The following PHTF1 variants were observed in gnomAD, a reference collection of about 807,000 sequenced individuals.
PHTF1 encodes the protein protein PHTF1.
A neutral mutation model predicts 102.4 loss-of-function variants in PHTF1; 88 were observed. The observed-to-expected ratio is 0.86, with a 90% CI of 0.72 to 1.03. The LOEUF (loss-of-function observed/expected upper bound fraction) is 1.03. PHTF1 is among the 50% of genes least tolerant of loss of function. The pLI is 0.00. For synonymous variants in PHTF1, 289 were observed against 305.2 expected, an observed-to-expected ratio of 0.95 and a Z score of 0.55; for missense variants, 814 against 909.5, an observed-to-expected ratio of 0.89 and a Z score of 1.35.
chr1:113,751,925 T>C (rs1461079730), intron 3 of PHTF1, among the ~76,000 whole-genome samples: 2 of 152,246 alleles, frequency 1.3e-5, no homozygotes, highest in Non-Finnish European at 2.9e-5. Context: ...ACAGATGTAT[T>C]ATAAATGTAG....
At chr1:113,736,228 G>T (rs1412135883) in intron 5 of PHTF1, among the ~76,000 whole-genome samples, 1 of 151,336 alleles carries the variant, frequency 6.6e-6, no homozygotes, top group African/African-American at 2.4e-5. Flanking sequence ...TGTAGTCCCA[G>T]CTACTCGGGA....
intron 7 of PHTF1, among the ~76,000 whole-genome samples, chr1:113,721,699 C>A (rs1557931997): frequency 1.3e-5 from 2 of 151,878 alleles, no homozygotes; most frequent in African/African-American, 4.8e-5. Context: ...AATAGCATTT[C>A]TTTTTTTTGA....
At chr1:113,720,661 G>A (rs1652780062) in intron 7 of PHTF1, among the ~76,000 whole-genome samples, 1 of 152,272 alleles carries the variant, frequency 6.6e-6, no homozygotes, top group Non-Finnish European at 1.5e-5. Context: ...GGCTTTTCCA[G>A]GTGCACAATG....
At chr1:113,746,321 C>T (rs1335866045) in intron 3 of PHTF1, among the ~76,000 whole-genome samples, 3 of 152,130 alleles carry the variant, frequency 2.0e-5, no homozygotes, top group African/African-American at 7.2e-5. Context: ...TAGCAATTCA[C>T]TGAATAGGAA....
Position 113,704,828 on chromosome 1 carries a change from A to AATGT in PHTF1, c.1672-35_1672-32dup, listed in dbSNP as rs753794102. 3.4e-6 allele frequency: 5 copies of AATGT among 1,461,030 alleles called. No homozygotes were observed. In the Admixed American group the frequency reaches 9.2e-5, roughly 27 times the overall value. 90.5% of individuals were successfully genotyped at this position (1,461,030 alleles called of 1,614,324 possible). On this transcript the variant is annotated intron_variant, in intron 13 of 18. Coordinates refer to ENST00000369604, the MANE Select transcript of PHTF1 (RefSeq NM_001323043.2). ...AGAGATTTAAAAAAAATCACAGTGA[A>AATGT]ATGTATGTATGTGTCTGTGTATTCA...
At chr1:113,729,271 G>A (rs1306549597) in intron 5 of PHTF1, among the ~76,000 whole-genome samples, 1 of 152,188 alleles carries the variant, frequency 6.6e-6, no homozygotes, top group African/African-American at 2.4e-5. Context: ...GGCTGAGAAG[G>A]GTAGTGGGGG....
At chr1:113,748,619 C>T (rs989925554) in intron 3 of PHTF1, among the ~76,000 whole-genome samples, 2 of 152,152 alleles carry the variant, frequency 1.3e-5, no homozygotes, top group African/African-American at 2.4e-5. Context: ...ACTGCAGCTT[C>T]GACTTCCCAG....
chr1:113,738,627 A>G (rs902413144), intron 4 of PHTF1, 103 bp downstream of exon 4: 4 of 736,830 alleles, frequency 5.4e-6, no homozygotes, highest in East Asian at 2.6e-5. Context: ...AAAGTGTTAC[A>G]TTTAGAAATT....
At chr1:113,740,490 C>T (rs953733743) in intron 3 of PHTF1, among the ~76,000 whole-genome samples, 3 of 152,086 alleles carry the variant, frequency 2.0e-5, no homozygotes, top group African/African-American at 7.2e-5. Flanking sequence ...GAAAAGTTTG[C>T]AAATGTTTTC....
intron 12 of PHTF1, 30 bp downstream of exon 12, chr1:113,706,564 T>G: frequency 6.4e-7 from 1 of 1,551,520 alleles, no homozygotes; most frequent in Non-Finnish European, 8.7e-7. Flanking sequence ...GTATATTTTT[T>G]GAAAAATCTG....
At chr1:113,729,511 TTATAAA>T (rs1654326880) in intron 5 of PHTF1, among the ~76,000 whole-genome samples, 1 of 152,142 alleles carries the variant, frequency 6.6e-6, no homozygotes, top group Non-Finnish European at 1.5e-5. Context: ...CTCATCTACC[TTATAAA>T]TATATATACC....
At chr1:113,732,496 A>G (rs1654814788) in intron 5 of PHTF1, among the ~76,000 whole-genome samples, 1 of 152,184 alleles carries the variant, frequency 6.6e-6, no homozygotes, top group African/African-American at 2.4e-5. Flanking sequence ...ACTCCATCTC[A>G]AAAGAAAAAA....
At chr1:113,722,217 C>A (rs1653067487) in intron 7 of PHTF1, among the ~76,000 whole-genome samples, 1 of 151,728 alleles carries the variant, frequency 6.6e-6, no homozygotes, top group Non-Finnish European at 1.5e-5. Context: ...TTTGGGAAAC[C>A]AAGACGGGCG....
intron 6 of PHTF1, chr1:113,726,005 C>G (rs1051169285): frequency 6.3e-6 from 1 of 157,768 alleles, no homozygotes; most frequent in Non-Finnish European, 1.4e-5. Flanking sequence ...ACTTAGAAAT[C>G]AATTCTTATT....
chr1:113,733,060 A>ATTTTTTTTTTTTTTTTTTT (rs386368123), intron 5 of PHTF1, among the ~76,000 whole-genome samples: 3 of 84,164 alleles, frequency 3.6e-5, no homozygotes, highest in African/African-American at 5.1e-5. Flanking sequence ...CGCCTGGCTA[A>ATTTTTTTTTTTTTTTTTTT]TTTTTTTTTT....
intron 5 of PHTF1, among the ~76,000 whole-genome samples, chr1:113,736,000 A>G (rs1655429140): frequency 6.6e-6 from 1 of 152,192 alleles, no homozygotes; most frequent in South Asian, 2.1e-4. Context: ...CCCAGAAATT[A>G]AAATTGATTC....
chr1:113,710,917 A>G (rs1651002306), intron 10 of PHTF1, among the ~76,000 whole-genome samples: 1 of 151,300 alleles, frequency 6.6e-6, no homozygotes, highest in Non-Finnish European at 1.5e-5. Flanking sequence ...AAGTGCTGAG[A>G]TTACAGGCAT....
At chr1:113,721,907 G>T (rs1653008327) in intron 7 of PHTF1, among the ~76,000 whole-genome samples, 1 of 151,414 alleles carries the variant, frequency 6.6e-6, no homozygotes, top group African/African-American at 2.4e-5. Flanking sequence ...TGTTAACCAG[G>T]ATGGTCTCAA....
At position 113,710,273 on chromosome 1, in the gene PHTF1, T is replaced by C. The variant is rs1429418550; in HGVS notation, c.1250A>G (p.Lys417Arg). The C allele has an allele frequency of 1.9e-6, 3 of 1,613,176 alleles. No individual in the cohort carries two copies. The highest frequency in any genetic ancestry group is 1.1e-5 in the South Asian group (1 of 91,026). The change falls in exon 11 of 19, where the codon AAA becomes AGA. Residue 417 changes from lysine (K) to arginine (R), a missense_variant. Transcript: ENST00000369604. ...TLHSGTKRDP[K>R]EDVFQQNHLF... The stretch of plus-strand genomic sequence containing the variant: ...ACAGACCTGCTGAAAAACATCCTCT[T>C]TGGGGTCACGTTTGGTCCCTGAGTG...
Sources: allele counts gnomAD v4.1 joint callset (sites outside exome capture counted in the v4.1 genomes callset), GRCh38; gene constraint gnomAD v4.1.1; transcripts MANE v1.5; gene names NCBI Gene and HGNC (gene_info 2026-07-23, HGNC 2026-07-21).